Variants in VPS13B observed in about 807,000 individuals in gnomAD.
VPS13B encodes the protein vacuolar protein sorting 13 homolog B.
Under a neutral mutation model 426.4 loss-of-function variants are expected in VPS13B, and 285 were observed. That is an observed-to-expected ratio of 0.67 (90% confidence interval 0.61 to 0.74). The LOEUF is 0.74. Ranked by LOEUF, VPS13B falls within the 30% of genes least tolerant of loss-of-function variation. The probability of loss-of-function intolerance (pLI) is 0.00; values close to 1 mark genes in which losing one functional copy is unlikely to be tolerated. For synonymous variants in VPS13B, 1,676 were observed against 1,676.4 expected, an observed-to-expected ratio of 1.00 and a Z score of 0.01; for missense variants, 4,537 against 4,782.6, an observed-to-expected ratio of 0.95 and a Z score of 1.51.
intron 19 of VPS13B, among the ~76,000 whole-genome samples, chr8:99,301,101 G>A (rs1003891075): frequency 2.6e-5 from 4 of 151,720 alleles, no homozygotes; most frequent in Non-Finnish European, 4.4e-5. Context: ...TGAAGTCCCA[G>A]CTACTTGGAA....
At chr8:99,696,664 A>C (rs1832018053) in intron 35 of VPS13B, 2 of 731,750 alleles carry the variant, frequency 2.7e-6, no homozygotes, top group Non-Finnish European at 5.1e-6. Flanking sequence ...GACACCATCG[A>C]GGAGAGGACC....
chr8:99,831,351 A>G, intron 51 of VPS13B, among the ~76,000 whole-genome samples: 2 of 152,094 alleles, frequency 1.3e-5, no homozygotes, highest in Non-Finnish European at 2.9e-5. Flanking sequence ...GATTACAGAC[A>G]TGAGCCACTG....
intron 33 of VPS13B, among the ~76,000 whole-genome samples, chr8:99,607,280 A>C (rs1827637130): frequency 6.6e-6 from 1 of 152,222 alleles, no homozygotes; most frequent in African/African-American, 2.4e-5. Flanking sequence ...AAATTGTTTC[A>C]TTTCATTGGT....
chr8:99,364,662 G>A (rs982517444), intron 19 of VPS13B, among the ~76,000 whole-genome samples: 1 of 152,042 alleles, frequency 6.6e-6, no homozygotes, highest in Non-Finnish European at 1.5e-5. Context: ...TGAACTCATG[G>A]CTTGAAGCAA....
intron 23 of VPS13B, among the ~76,000 whole-genome samples, chr8:99,443,290 G>A (rs992683047): frequency 3.9e-5 from 6 of 152,084 alleles, no homozygotes; most frequent in African/African-American, 1.4e-4. Flanking sequence ...TGCTAAACAG[G>A]TCAACACCTT....
chr8:99,526,266 T>C (rs1367192711), intron 30 of VPS13B, among the ~76,000 whole-genome samples: 4 of 152,200 alleles, frequency 2.6e-5, no homozygotes, highest in Non-Finnish European at 5.9e-5. Context: ...TTTTGCTACT[T>C]GAGTTAACTG....
At chr8:99,526,210 G>A (rs936031725) in intron 30 of VPS13B, among the ~76,000 whole-genome samples, 3 of 152,080 alleles carry the variant, frequency 2.0e-5, no homozygotes, top group African/African-American at 7.2e-5. Context: ...ACAAATGGAA[G>A]TGTGACATTC....
rs753590864 is a variant in VPS13B at position 99,871,478 on chromosome 8, A to G, written c.11526A>G (p.Glu3842=). Residue 3842 remains glutamate, a synonymous_variant, in exon 61 of 62, where the codon GAA becomes GAG. Transcript: ENST00000357162. The part of the protein sequence containing the change: ...WKMLQSLGRP[E]VHMALDVVLV... Reference sequence around the variant, plus strand: ...TGCTTCAGTCTCTGGGCAGACCAGAAGTCCACATGGCCCTGGACGTGGTTC... The same window carrying G: ...TGCTTCAGTCTCTGGGCAGACCAGAGGTCCACATGGCCCTGGACGTGGTTC... 3 of 1,614,214 alleles carry G rather than the reference A, an allele frequency of 1.9e-6. No homozygotes were observed. The highest frequency in any genetic ancestry group is 1.7e-5 in the Admixed American group (1 of 60,032).
intron 35 of VPS13B, among the ~76,000 whole-genome samples, chr8:99,665,252 C>T (rs1830436893): frequency 1.3e-5 from 2 of 151,970 alleles, no homozygotes; most frequent in African/African-American, 4.8e-5. Context: ...CAAAAATTTT[C>T]TCCCATTCTG....
chr8:99,494,732 A>C (rs2133590820), intron 25 of VPS13B, among the ~76,000 whole-genome samples: 1 of 152,104 alleles, frequency 6.6e-6, no homozygotes, highest in South Asian at 2.1e-4. Flanking sequence ...TTTTTGAATA[A>C]ATTTTCCAAT....
chr8:99,583,009 C>T (rs1826147179), intron 33 of VPS13B, among the ~76,000 whole-genome samples: 1 of 152,202 alleles, frequency 6.6e-6, no homozygotes, highest in Non-Finnish European at 1.5e-5. Flanking sequence ...TGTCTTCCCT[C>T]TCACTAACGC....
At chr8:99,408,951 T>C (rs759569694) in intron 21 of VPS13B, among the ~76,000 whole-genome samples, 2 of 152,188 alleles carry the variant, frequency 1.3e-5, no homozygotes, top group Non-Finnish European at 2.9e-5. Context: ...ATTCCTCTAA[T>C]AGTTCAGTGT....
chr8:99,379,344 T>G (rs1813668046), intron 19 of VPS13B, among the ~76,000 whole-genome samples: 1 of 152,204 alleles, frequency 6.6e-6, no homozygotes, highest in African/African-American at 2.4e-5. Flanking sequence ...CAGTTACATT[T>G]TTTTTTGGCG....
intron 31 of VPS13B, among the ~76,000 whole-genome samples, chr8:99,565,126 T>C (rs1825120067): frequency 6.6e-6 from 1 of 152,194 alleles, no homozygotes; most frequent in Admixed American, 6.5e-5. Context: ...AAGTTAATAT[T>C]GATATAATTT....
intron 8 of VPS13B, among the ~76,000 whole-genome samples, chr8:99,129,569 T>TA (rs36029878): frequency 0.072 from 5,699 of 78,878 alleles, 219 homozygotes; most frequent in East Asian, 0.16. Flanking sequence ...TGTGTCTCCT[T>TA]AAAAAAAAAA....
At chr8:99,217,448 T>C (rs1815448425) in intron 17 of VPS13B, among the ~76,000 whole-genome samples, 1 of 152,190 alleles carries the variant, frequency 6.6e-6, no homozygotes, top group East Asian at 1.9e-4. Flanking sequence ...TCAGAGATAA[T>C]TTACTTTCAG....
At chr8:99,315,154 C>T (rs1588241762) in intron 19 of VPS13B, among the ~76,000 whole-genome samples, 1 of 152,160 alleles carries the variant, frequency 6.6e-6, no homozygotes, top group African/African-American at 2.4e-5. Context: ...TCTCTGGCAT[C>T]CTGAATCTGG....
At chr8:99,868,059 T>G (rs1028831331) in intron 58 of VPS13B, 4 of 512,884 alleles carry the variant, frequency 7.8e-6, no homozygotes, top group African/African-American at 5.8e-5. Context: ...ACTTCACAGA[T>G]CCTGACTGTG....
At chr8:99,014,441 G>A (rs1185347452) in intron 2 of VPS13B, among the ~76,000 whole-genome samples, 1 of 151,874 alleles carries the variant, frequency 6.6e-6, no homozygotes, top group Non-Finnish European at 1.5e-5. Flanking sequence ...AAAATAGTTT[G>A]TTCCCAGTTT....
Sources: allele counts gnomAD v4.1 joint callset (sites outside exome capture counted in the v4.1 genomes callset), GRCh38; gene constraint gnomAD v4.1.1; transcripts MANE v1.5; gene names NCBI Gene and HGNC (gene_info 2026-07-23, HGNC 2026-07-21).